Variants in RAPGEF6 observed in about 807,000 individuals in gnomAD.
RAPGEF6 encodes PDZ domain containing guanine nucleotide exchange factor (GEF) 2.
RAPGEF6 carries 56 observed loss-of-function variants against 171.4 expected under a neutral mutation model. The observed-to-expected ratio is 0.33, with a 90% CI of 0.26 to 0.41. The LOEUF (loss-of-function observed/expected upper bound fraction) is 0.41, where lower values mean the gene tolerates loss of function less well. Among genes scored for constraint, RAPGEF6 ranks in the 10% least tolerant of loss-of-function variants. RAPGEF6 has a pLI of 1.00. For missense variants in RAPGEF6, 1,674 were observed against 1,921.4 expected, an observed-to-expected ratio of 0.87 and a Z score of 2.41; for synonymous variants, 692 against 650.1, an observed-to-expected ratio of 1.06 and a Z score of -0.98.
At chr5:131,519,850 C>A (rs1737080830) in intron 7 of RAPGEF6, among the ~76,000 whole-genome samples, 1 of 152,184 alleles carries the variant, frequency 6.6e-6, no homozygotes, top group South Asian at 2.1e-4. Flanking sequence ...ATTCTTCTTT[C>A]ACAAGATAAT....
At chr5:131,562,637 T>C (rs1761676491) in intron 4 of RAPGEF6, among the ~76,000 whole-genome samples, 1 of 152,316 alleles carries the variant, frequency 6.6e-6, no homozygotes, top group African/African-American at 2.4e-5. Flanking sequence ...CATCCTTCCA[T>C]ATGCTTTAAA....
chr5:131,441,410 T>C (rs1018745354), intron 23 of RAPGEF6, among the ~76,000 whole-genome samples: 3 of 152,230 alleles, frequency 2.0e-5, no homozygotes, highest in African/African-American at 7.2e-5. Flanking sequence ...TGCTTGTAGT[T>C]TCTTGCACAT....
At chr5:131,478,477 A>G (rs890842341) in intron 16 of RAPGEF6, among the ~76,000 whole-genome samples, 4 of 152,308 alleles carry the variant, frequency 2.6e-5, no homozygotes, top group East Asian at 3.9e-4. Flanking sequence ...TATCTTTAGC[A>G]TAATATTCAA....
At chr5:131,558,550 T>C (rs1041917384) in intron 5 of RAPGEF6, among the ~76,000 whole-genome samples, 1 of 152,188 alleles carries the variant, frequency 6.6e-6, no homozygotes, top group Non-Finnish European at 1.5e-5. Context: ...GCTCTTTAAT[T>C]TCCTGACATG....
intron 24 of RAPGEF6, chr5:131,435,962 T>TCC (rs1216771544): frequency 1.3e-6 from 2 of 1,530,834 alleles, no homozygotes; most frequent in African/African-American, 2.7e-5. Context: ...CAGAGTGTCT[T>TCC]CCTCCTTTTA....
chr5:131,623,647 G>A (rs371050943), intron 1 of RAPGEF6, among the ~76,000 whole-genome samples: 22 of 151,882 alleles, frequency 1.4e-4, no homozygotes, highest in African/African-American at 4.6e-4. Context: ...CACCACGCCC[G>A]GCTAATTTTG....
At chr5:131,481,481 C>A (rs1474419767) in intron 15 of RAPGEF6, among the ~76,000 whole-genome samples, 1 of 152,140 alleles carries the variant, frequency 6.6e-6, no homozygotes, top group Non-Finnish European at 1.5e-5. Context: ...CTGCCCGTCT[C>A]AGCCTTCCAA....
intron 7 of RAPGEF6, among the ~76,000 whole-genome samples, chr5:131,520,850 C>A (rs550176795): frequency 6.5e-4 from 99 of 152,230 alleles, no homozygotes; most frequent in African/African-American, 2.3e-3. Context: ...AGAACCTTCT[C>A]CCCAATATTA....
intron 11 of RAPGEF6, among the ~76,000 whole-genome samples, chr5:131,499,525 G>C (rs534660716): frequency 1.2e-4 from 17 of 141,964 alleles, no homozygotes; most frequent in African/African-American, 4.4e-4. Flanking sequence ...AGGTTGCAGA[G>C]AGCGGAGATC....
At chr5:131,508,323 A>AAT in intron 8 of RAPGEF6, 116 bp from the exon 9 acceptor site, 1 of 1,079,258 alleles carries the variant, frequency 9.3e-7, no homozygotes, top group Non-Finnish European at 1.3e-6. Flanking sequence ...TTATGTTGCT[A>AAT]AAGTAGAGAA....
chr5:131,603,548 C>T (rs144257278), intron 2 of RAPGEF6, among the ~76,000 whole-genome samples: 2 of 150,926 alleles, frequency 1.3e-5, no homozygotes, highest in African/African-American at 2.4e-5. Flanking sequence ...AACCTTAATA[C>T]TCTTTATGTA....
chr5:131,424,058 GTCTT>G lies in RAPGEF6; in HGVS notation c.*3204_*3207del, dbSNP rs1211894384. 1.3e-5 allele frequency: 2 copies of G among 152,340 alleles called. No individual in the cohort carries two copies. Among genetic ancestry groups the G allele is most frequent in the Non-Finnish European group, 2.9e-5 (2 of 68,028 alleles). 9.4% of individuals were successfully genotyped at this position (152,340 alleles called of 1,614,324 possible). A position where few individuals can be genotyped will look rare whatever the true frequency, so the allele number is the denominator to read the frequency against. ...AATACAAAAAGCATACAGAGGCACTGTCTTTCTAAAAGACATAAGTTTAAGAGGT... is the reference window on the plus strand; with the variant it reads ...AATACAAAAAGCATACAGAGGCACTGTCTAAAAGACATAAGTTTAAGAGGT... On this transcript the variant is annotated 3_prime_UTR_variant, in exon 28 of 28. Coordinates refer to ENST00000509018, the MANE Select transcript of RAPGEF6 (RefSeq NM_016340.6).
chr5:131,463,824 C>T (rs1156711292), intron 18 of RAPGEF6: 5 of 1,200,692 alleles, frequency 4.2e-6, no homozygotes, highest in Admixed American at 4.0e-5. Context: ...AGATTTGTAT[C>T]ATTCAGCTTC....
Position 131,446,550 on chromosome 5 carries a change from G to A in RAPGEF6, c.3354C>T (p.Leu1118=), listed in dbSNP as rs151303165. The change falls in exon 22 of 28, where the codon CTC becomes CTT. Residue 1118 remains leucine, a synonymous_variant. Coordinates refer to ENST00000509018, the MANE Select transcript of RAPGEF6 (RefSeq NM_016340.6). ...ARKVKQYLSS[L]DVETDEEKFQ... ...ACTTCTCCTCATCTGTCTCTACATC[G>A]AGACTGGAAAGATACTGCTTCACCT... is the stretch of plus-strand genomic sequence containing the variant. 4.5e-4 allele frequency: 722 copies of A among 1,614,168 alleles called. 1 individual carries two copies. Among genetic ancestry groups the A allele is most frequent in the Non-Finnish European group, 5.7e-4 (671 of 1,180,020 alleles).
chr5:131,468,938 T>C (rs564051696), intron 17 of RAPGEF6, among the ~76,000 whole-genome samples: 3 of 152,358 alleles, frequency 2.0e-5, no homozygotes, highest in East Asian at 3.9e-4. Flanking sequence ...TAGGCACTTA[T>C]ATAATGAGAA....
chr5:131,535,849 A>G (rs898076980), intron 6 of RAPGEF6, among the ~76,000 whole-genome samples: 1 of 152,184 alleles, frequency 6.6e-6, no homozygotes, highest in Non-Finnish European at 1.5e-5. Flanking sequence ...TTTTATGTTA[A>G]TATGTGACAA....
At chr5:131,531,504 T>TATTTAA (rs1759369556) in intron 6 of RAPGEF6, among the ~76,000 whole-genome samples, 4 of 152,180 alleles carry the variant, frequency 2.6e-5, no homozygotes, top group Non-Finnish European at 5.9e-5. Context: ...AAATGACAAG[T>TATTTAA]ATGATAGATG....
chr5:131,543,189 T>C (rs12655014), intron 6 of RAPGEF6, among the ~76,000 whole-genome samples: 2,960 of 152,112 alleles, frequency 0.019, 149 homozygotes, highest in East Asian at 0.13. Context: ...CACTTACAAC[T>C]CACAGAAGCA....
At chr5:131,502,286 TA>T (rs1757074696) in intron 11 of RAPGEF6, among the ~76,000 whole-genome samples, 1 of 152,194 alleles carries the variant, frequency 6.6e-6, no homozygotes, top group Non-Finnish European at 1.5e-5. Context: ...GTAATGGAAG[TA>T]AAAAGTGCCG....
Sources: gnomAD v4.1 joint callset for allele counts (sites outside exome capture counted in the v4.1 genomes callset) on GRCh38, gnomAD v4.1.1 for gene constraint, MANE v1.5 for transcripts, NCBI Gene and HGNC (gene_info 2026-07-23, HGNC 2026-07-21) for gene names.